The following ALS2 variants were observed in gnomAD, a reference collection of about 807,000 sequenced individuals.
ALS2 encodes alsin Rho guanine nucleotide exchange factor ALS2, also known as alsin.
In ALS2, 117 loss-of-function variants were observed where a neutral mutation model predicts 203.4. The observed-to-expected ratio is 0.58, with a 90% confidence interval of 0.50 to 0.67. The LOEUF (loss-of-function observed/expected upper bound fraction) is 0.67. Among genes scored for constraint, ALS2 ranks in the 30% least tolerant of loss-of-function variants. The probability of loss-of-function intolerance (pLI) is 0.00; values close to 1 mark genes in which losing one functional copy is unlikely to be tolerated. For missense variants in ALS2, 1,715 were observed against 1,989.4 expected (o/e 0.86, Z 2.62); for synonymous variants, 718 against 725.9 (o/e 0.99, Z 0.17).
At chr2:201,729,222 AC>A in intron 13 of ALS2, 39 bp from the exon 14 acceptor site, 1 of 1,601,630 alleles carries the variant, frequency 6.2e-7, no homozygotes. Context: ...AAAAAAAAGA[AC>A]ATAAAACCAT....
chr2:201,759,634 T>C (rs1693635888), intron 4 of ALS2: 1 of 984,868 alleles, frequency 1.0e-6, no homozygotes, highest in Admixed American at 6.2e-5. Context: ...TTATAATACC[T>C]TTCTCCAAAC....
At chr2:201,773,863 A>G (rs1694535295) in intron 1 of ALS2, among the ~76,000 whole-genome samples, 1 of 152,166 alleles carries the variant, frequency 6.6e-6, no homozygotes, top group Admixed American at 6.5e-5. Context: ...AGCAAAGGAA[A>G]GCACTTCAGG....
rs923032210 is a variant in ALS2, at chr2:201,749,565, G to A, written c.1815+147C>T. On this transcript the variant is annotated intron_variant, in intron 8 of 33. Transcript: ENST00000264276. ...TTAGCTTGAAAACACGTGGCTTCCT[G>A]TTTTTAAAAATTTTCTTATGAAAAC... 14 of 781,594 alleles carry A rather than the reference G, an allele frequency of 1.8e-5. No homozygotes were observed. The African/African-American group carries it at 2.4e-4, about 14-fold the overall frequency. 48.4% of individuals were successfully genotyped at this position (781,594 alleles called of 1,614,324 possible).
Position 201,711,071 on chromosome 2 carries a change from C to G in ALS2, c.4042G>C (p.Glu1348Gln). The change falls in exon 26 of 34, where the codon GAG (glutamate) becomes CAG (glutamine). Residue 1348 changes from glutamate (E) to glutamine (Q), a missense_variant. Glu to Gln is a conservative substitution (Grantham distance 29). Around this residue, in one of 3 missense-constraint regions of ALS2, gnomAD observed 1,227 missense variants for 1,413.5 expected, o/e 0.87. Transcript: ENST00000264276. Reference sequence around the variant, plus strand: ...TGCTGTGGAATGAATTCCAAACTCTCTAGTGTCTGAGTCTGTGAACGACTC... The same window carrying G: ...TGCTGTGGAATGAATTCCAAACTCTGTAGTGTCTGAGTCTGTGAACGACTC... ...ILSRSQTQTLESLEFIPQHVG... is the reference protein window; with the variant it reads ...ILSRSQTQTLQSLEFIPQHVG... 1 of 1,612,234 alleles carries G rather than the reference C, an allele frequency of 6.2e-7. No individual in the cohort carries two copies. The highest frequency in any genetic ancestry group is 1.1e-5 in the South Asian group (1 of 91,026).
chr2:201,707,903 T>A lies in ALS2; in HGVS notation c.4369A>T (p.Lys1457Ter). The change falls in exon 28 of 34, where the codon AAG becomes TAG. Residue 1457 changes from lysine to a stop codon, truncating the protein, a stop_gained. Coordinates refer to ENST00000264276, the MANE Select transcript of ALS2 (RefSeq NM_020919.4). LOFTEE classifies it high-confidence loss of function. ...PTERKSFCTG[K>*]SDSRSESPEP... ...GGTGATTCAGATCGGGAATCTGACT[T>A]CCCAGTGCAAAAAGACTTCCTTTCG... 6.2e-7 allele frequency: 1 copy of A among 1,613,580 alleles called. No homozygotes were observed. Among genetic ancestry groups the A allele is most frequent in the Non-Finnish European group, 8.5e-7 (1 of 1,179,676 alleles).
chr2:201,750,802 T>G (rs1473542150), intron 7 of ALS2, among the ~76,000 whole-genome samples: 1 of 152,152 alleles, frequency 6.6e-6, no homozygotes, highest in Non-Finnish European at 1.5e-5. Flanking sequence ...AGAACTCTAC[T>G]GTGCATATAC....
chr2:201,772,850 A>ATTTTTTTTTTTTTTTTTTTTTTTTT (rs578253808), intron 1 of ALS2, among the ~76,000 whole-genome samples: 1 of 108,846 alleles, frequency 9.2e-6, no homozygotes, highest in Non-Finnish European at 1.7e-5. Context: ...TGCTTTCATG[A>ATTTTTTTTTTTTTTTTTTTTTTTTT]TTTTTTTTTT....
At position 201,726,797 on chromosome 2, in the gene ALS2, A is replaced by T; in HGVS notation, c.3049T>A (p.Tyr1017Asn). 2 of 1,614,182 alleles carry T rather than the reference A, an allele frequency of 1.2e-6. No individual in the cohort carries two copies. Among genetic ancestry groups the T allele is most frequent in the Non-Finnish European group, 1.7e-6 (2 of 1,180,018 alleles). ...CTCTGAACACTGCTACCACTTCCAT[A>T]AGGGGGGAGATCAGACATCCCTCTC... ...ALRGMSDLPP[Y>N]GSGSSVQRQE... The change falls in exon 18 of 34, where the codon TAT becomes AAT. Residue 1017 changes from tyrosine (Y) to asparagine (N), a missense_variant. By Grantham distance (143) the Tyr-to-Asn change is moderately radical. This residue lies in a region of ALS2 where 1,227 missense variants were observed against 1,413.5 expected (regional missense o/e 0.87). Coordinates refer to ENST00000264276, the MANE Select transcript of ALS2 (RefSeq NM_020919.4).
chr2:201,722,794 T>C (rs1330554341), intron 23 of ALS2: 6 of 524,214 alleles, frequency 1.1e-5, no homozygotes, highest in Non-Finnish European at 1.7e-5. Context: ...TAAGGGTGAT[T>C]AGTGGTTGGC....
intron 23 of ALS2, among the ~76,000 whole-genome samples, chr2:201,719,594 A>G (rs904523331): frequency 3.8e-5 from 3 of 79,220 alleles, no homozygotes; most frequent in Non-Finnish European, 2.4e-5. Context: ...TCTCGAAAAA[A>G]ATAAAAATAA....
chr2:201,741,779 A>G lies in ALS2; in HGVS notation c.2246T>C (p.Ile749Thr). The change falls in exon 11 of 34, where the codon ATT becomes ACT. Residue 749 changes from isoleucine to threonine, a missense_variant. Ile to Thr is a moderately conservative substitution (Grantham distance 89). Transcript: ENST00000264276. ...GCTCAATGAGGCTCCATGCTGACCAATGAGGTAACACAGCTTGCTGAATCG... is the reference window on the plus strand; with the variant it reads ...GCTCAATGAGGCTCCATGCTGACCAGTGAGGTAACACAGCTTGCTGAATCG... ...ASRFSKLCYL[I>T]GQHGASLSSF... 6.2e-7 allele frequency: 1 copy of G among 1,614,146 alleles called. No individual in the cohort carries two copies. Among genetic ancestry groups the G allele is most frequent in the Non-Finnish European group, 8.5e-7 (1 of 1,180,008 alleles).
intron 7 of ALS2, among the ~76,000 whole-genome samples, chr2:201,751,451 GATC>G (rs1040531793): frequency 2.6e-5 from 4 of 152,088 alleles, no homozygotes; most frequent in Admixed American, 6.5e-5. Context: ...TTTGCTAAAT[GATC>G]ATCTTTTCAT....
rs1692491471 is a variant in ALS2 at position 201,744,389 on chromosome 2, T to C, written c.2039A>G (p.Tyr680Cys). ...AATGTTTTTATCCACCAAGGCTAAA[T>C]AGCTATCTTTTCCTGCTGTCACTCT... The part of the protein sequence containing the change: ...ISRVTAGKDS[Y>C]LALVDKNIMG... Residue 680 changes from tyrosine to cysteine, a missense_variant, in exon 10 of 34, where the codon TAT becomes TGT. Tyr to Cys is a radical substitution (Grantham distance 194). This residue lies in a region of ALS2 where 1,227 missense variants were observed against 1,413.5 expected (regional missense o/e 0.87). Transcript: ENST00000264276. 2 of 1,614,140 alleles carry C rather than the reference T, an allele frequency of 1.2e-6. No homozygotes were observed. The highest frequency in any genetic ancestry group is 1.7e-6 in the Non-Finnish European group (2 of 1,180,000).
At position 201,746,767 on chromosome 2, in the gene ALS2, A is replaced by T. The variant is rs2106057101; in HGVS notation, c.1816-19T>A. 1.2e-6 allele frequency: 2 copies of T among 1,613,642 alleles called. No homozygotes were observed. The highest frequency in any genetic ancestry group is 4.5e-5 in the East Asian group (2 of 44,878). On this transcript the variant is annotated intron_variant, in intron 8 of 33. Coordinates refer to ENST00000264276, the MANE Select transcript of ALS2 (RefSeq NM_020919.4). ...TGCTTATCTGCAACGACAGAAAGAT[A>T]GTGTCTGTCCAAGATAAAGGCAATC...
In ALS2 at chr2:201,723,290, T is replaced by G. The variant is rs763512428; in HGVS notation, c.3624+40A>C. 24 of 1,528,966 alleles carry G rather than the reference T, an allele frequency of 1.6e-5. 1 individual carries two copies. In the South Asian group the frequency reaches 2.5e-4, roughly 16 times the overall value. The allele number at this position is 1,528,966 out of a possible 1,614,324, so 94.7% of individuals were successfully genotyped here. A position where few individuals can be genotyped will look rare whatever the true frequency, so the allele number is the denominator to read the frequency against. On this transcript the variant is annotated intron_variant, in intron 22 of 33. Coordinates refer to ENST00000264276, the MANE Select transcript of ALS2 (RefSeq NM_020919.4). ...TAAAAAGTTAAGGACAAAGGAGCTT[T>G]AAAAAGTTAGTAATAACTACATGCA... is the stretch of plus-strand genomic sequence containing the variant.
intron 23 of ALS2, chr2:201,722,758 C>CA: frequency 2.6e-6 from 1 of 388,714 alleles, no homozygotes. Context: ...ACAAAAGGCC[C>CA]AAAAAAGGCA....
chr2:201,773,722 T>C (rs571355579), intron 1 of ALS2, among the ~76,000 whole-genome samples: 65 of 152,098 alleles, frequency 4.3e-4, no homozygotes, highest in Admixed American at 1.4e-3. Context: ...GATAATGTCA[T>C]TGGGTATATG....
intron 7 of ALS2, among the ~76,000 whole-genome samples, chr2:201,751,924 C>A (rs1693089916): frequency 1.3e-5 from 2 of 152,082 alleles, no homozygotes; most frequent in Admixed American, 1.3e-4. Context: ...ATGGAAACAC[C>A]CACTTTTATA....
At chr2:201,709,762 A>T in intron 27 of ALS2, 119 bp downstream of exon 27, 2 of 1,212,284 alleles carry the variant, frequency 1.6e-6, no homozygotes, top group Non-Finnish European at 2.4e-6. Context: ...TGTTTTACTT[A>T]ATCTATTAAA....
Sources: gnomAD v4.1 joint callset for allele counts (sites outside exome capture counted in the v4.1 genomes callset) on GRCh38, gnomAD v4.1.1 for gene constraint, gnomAD v4.1.1 regional missense constraint, MANE v1.5 for transcripts, NCBI Gene and HGNC (gene_info 2026-07-23, HGNC 2026-07-21) for gene names.